Variants in PIK3R5 observed in about 807,000 individuals in gnomAD.
PIK3R5 encodes phosphoinositide 3-kinase regulatory subunit 5.
A neutral mutation model predicts 94.9 loss-of-function variants in PIK3R5; 32 were observed. That is an observed-to-expected ratio of 0.34 (90% CI 0.25 to 0.45). The LOEUF is 0.45. Ranked by LOEUF, PIK3R5 falls within the 20% of genes least tolerant of loss-of-function variation. PIK3R5 has a pLI of 1.00. For synonymous variants in PIK3R5, 443 were observed against 479.4 expected (o/e 0.92, Z 0.99); for missense variants, 853 against 1,144.6 (o/e 0.75, Z 3.68).
intron 5 of PIK3R5, among the ~76,000 whole-genome samples, chr17:8,899,371 A>G (rs113203979): frequency 0.017 from 2,619 of 151,980 alleles, 80 homozygotes; most frequent in African/African-American, 0.059. Context: ...GTCCCTTCTC[A>G]TTTCTCCCTG....
At chr17:8,899,495 G>A (rs1005128076) in intron 5 of PIK3R5, among the ~76,000 whole-genome samples, 1 of 152,204 alleles carries the variant, frequency 6.6e-6, no homozygotes, top group African/African-American at 2.4e-5. Context: ...TGACAGGGAG[G>A]CATTGCTATA....
intron 1 of PIK3R5, among the ~76,000 whole-genome samples, chr17:8,952,332 T>C (rs2091390122): frequency 6.6e-6 from 1 of 152,272 alleles, no homozygotes; most frequent in Non-Finnish European, 1.5e-5. Flanking sequence ...TTTCTGTTAC[T>C]ATGCCATTTA....
chr17:8,886,257 G>C lies in PIK3R5; in HGVS notation c.2100C>G (p.Ser700=), dbSNP rs370589648. ...IFIHSLELGH[S]AATRAIKASG... ...ACGCCTTGATGGCACGTGTGGCAGC[G>C]GAGTGACCCAGCTCCAAGGAGTGGA... Residue 700 remains serine (S), a synonymous_variant, in exon 14 of 19, where the codon TCC becomes TCG. Coordinates refer to ENST00000447110, the MANE Select transcript of PIK3R5 (RefSeq NM_001142633.3). 3 of 1,613,294 alleles carry C rather than the reference G, an allele frequency of 1.9e-6. No individual in the cohort carries two copies. Among genetic ancestry groups the C allele is most frequent in the South Asian group, 1.1e-5 (1 of 91,090 alleles).
rs61761066 is a variant in PIK3R5, at chr17:8,887,204, T to C, written c.1797A>G (p.Pro599=). The C allele has an allele frequency of 1.4e-4, 233 of 1,613,692 alleles. No homozygotes were observed. In the African/African-American group the frequency reaches 2.7e-3, roughly 19 times the overall value. The change falls in exon 12 of 19, where the codon CCA becomes CCG. Residue 599 remains proline (P), a synonymous_variant. Transcript: ENST00000447110. ...HASPGELGTT[P]WEESTNDISH... ...AGATGTCATTGGTGCTCTCCTCCCA[T>C]GGGGTGGTGCCCAGCTCCTAGGGCA...
At chr17:8,951,380 C>G (rs553319014) in intron 1 of PIK3R5, among the ~76,000 whole-genome samples, 1 of 152,292 alleles carries the variant, frequency 6.6e-6, no homozygotes, top group East Asian at 1.9e-4. Context: ...AACTGAAACT[C>G]CATACCCAAT....
intron 14 of PIK3R5, 21 bp downstream of exon 14, chr17:8,886,206 GTC>G (rs1567633666): frequency 1.3e-6 from 2 of 1,583,494 alleles, no homozygotes; most frequent in East Asian, 4.5e-5. Flanking sequence ...CTCACCGTCT[GTC>G]TCTGCTCAGG....
At chr17:8,930,335 A>T (rs1450576818) in intron 1 of PIK3R5, among the ~76,000 whole-genome samples, 3 of 152,214 alleles carry the variant, frequency 2.0e-5, no homozygotes, top group Admixed American at 2.0e-4. Context: ...ACAAACTTCT[A>T]AATAATTCAT....
chr17:8,916,477 C>T (rs993415776), intron 1 of PIK3R5: 4 of 135,194 alleles, frequency 3.0e-5, no homozygotes, highest in African/African-American at 5.5e-5. Flanking sequence ...GGGAATGCCG[C>T]CCCCCGCCCC....
At position 8,945,982 on chromosome 17, in the gene PIK3R5, G is replaced by T. The variant is rs1390940246; in HGVS notation, c.-14+19614C>A. On this transcript the variant is annotated intron_variant, in intron 1 of 18. Transcript: ENST00000447110. This position sits in a 1 kb window ranked among gnomAD's most constrained non-coding sequence, Gnocchi z 4.0. ...AACCACATGGAGAGGCCCCTTGTAG[G>T]CATTCTCATTTACAGTTTCAGTTAC... Among the ~76,000 whole-genome samples, 1 of 152,110 alleles carries T rather than the reference G, an allele frequency of 6.6e-6. No homozygotes were observed. Among genetic ancestry groups the T allele is most frequent in the African/African-American group, 2.4e-5 (1 of 41,398 alleles).
In PIK3R5 at chr17:8,965,001, C is replaced by CACACACACA. The variant is rs1567679194; in HGVS notation, c.-14+594_-14+595insTGTGTGTGT. On this transcript the variant is annotated intron_variant, in intron 1 of 18. Transcript: ENST00000447110. ...GGCCAGCACGCGCACATGCGCATGCCCACACACACACACACACACACACAC... is the reference window on the plus strand; with the variant it reads ...GGCCAGCACGCGCACATGCGCATGCCACACACACACACACACACACACACACACACACAC... Among the ~76,000 whole-genome samples, 643 of 150,794 alleles carry CACACACACA rather than the reference C, an allele frequency of 4.3e-3. 3 individuals carry two copies. The highest frequency in any genetic ancestry group is 6.8e-3 in the Non-Finnish European group (457 of 67,628).
chr17:8,914,307 T>G (rs1407319243), intron 1 of PIK3R5, among the ~76,000 whole-genome samples: 1 of 152,192 alleles, frequency 6.6e-6, no homozygotes, highest in Non-Finnish European at 1.5e-5. Context: ...GAGTTGACAC[T>G]GGTATAAACA....
chr17:8,943,501 G>A (rs760463684), intron 1 of PIK3R5, among the ~76,000 whole-genome samples: 7 of 152,110 alleles, frequency 4.6e-5, no homozygotes, highest in East Asian at 1.9e-4. Context: ...GGCTGGGCGC[G>A]GTGGCTCATG....
intron 5 of PIK3R5, among the ~76,000 whole-genome samples, chr17:8,898,421 GCAGC>G (rs1279269410): frequency 6.6e-6 from 1 of 152,248 alleles, no homozygotes; most frequent in African/African-American, 2.4e-5. Flanking sequence ...CCAGGGTCAT[GCAGC>G]CATCTGTCAG....
At chr17:8,944,609 G>A (rs531498928) in intron 1 of PIK3R5, among the ~76,000 whole-genome samples, 2 of 152,338 alleles carry the variant, frequency 1.3e-5, no homozygotes, top group South Asian at 4.1e-4. Context: ...GGAATGAAGA[G>A]TGGGAACATA....
At position 8,909,278 on chromosome 17, in the gene PIK3R5, G is replaced by T; in HGVS notation, c.104-104C>A. ...ATTTATGCTGGAACATTTTTCTGTG[G>T]TATTGCACTGGAACACTCTTTTTTT... On this transcript the variant is annotated intron_variant, in intron 2 of 18. Transcript: ENST00000447110. This position sits in a 1 kb window ranked among gnomAD's most constrained non-coding sequence, Gnocchi z 4.3. The T allele has an allele frequency of 1.5e-6, 1 of 683,608 alleles. No individual in the cohort carries two copies. Among genetic ancestry groups the T allele is most frequent in the Admixed American group, 2.4e-5 (1 of 42,450 alleles). The allele number at this position is 683,608 out of a possible 1,614,324, so 42.3% of individuals were successfully genotyped here.
Position 8,884,596 on chromosome 17 carries a change from C to T in PIK3R5, c.2205+111G>A, listed in dbSNP as rs899715576. 1.0e-5 allele frequency: 8 copies of T among 798,330 alleles called. No individual in the cohort carries two copies. The highest frequency in any genetic ancestry group is 2.6e-5 in the East Asian group (1 of 37,746). 49.5% of individuals were successfully genotyped at this position (798,330 alleles called of 1,614,324 possible). ...AGGGGAGCCTGCTGCAGCCTTCCAG[C>T]GTAAAGACTGGGGCCCAGGAACACA... is the stretch of plus-strand genomic sequence containing the variant. On this transcript the variant is annotated intron_variant, in intron 15 of 18. Transcript: ENST00000447110. The surrounding 1 kb of genome is among the most constrained non-coding windows in gnomAD (Gnocchi z 5.8).
rs1242188688 is a variant in PIK3R5, at chr17:8,884,757, C to T, written c.2155G>A (p.Asp719Asn). The T allele has an allele frequency of 3.7e-6, 6 of 1,612,954 alleles. No individual in the cohort carries two copies. Among genetic ancestry groups the T allele is most frequent in the Admixed American group, 3.3e-5 (2 of 59,954 alleles). The change falls in exon 15 of 19, where the codon GAT (aspartate) becomes AAT (asparagine). Residue 719 changes from aspartate to asparagine, a missense_variant. Coordinates refer to ENST00000447110, the MANE Select transcript of PIK3R5 (RefSeq NM_001142633.3). This position sits in a 1 kb window ranked among gnomAD's most constrained non-coding sequence, Gnocchi z 5.8. ...SGPGSKRLGIDGDREAVPLTL... is the reference protein window; with the variant it reads ...SGPGSKRLGINGDREAVPLTL... The stretch of plus-strand genomic sequence containing the variant: ...AGAGGAACAGCCTCCCGGTCGCCAT[C>T]GATGCCCAGCCGCTTGCTGCCAGGA...
intron 1 of PIK3R5, among the ~76,000 whole-genome samples, chr17:8,964,893 A>C (rs757988946): frequency 3.3e-5 from 5 of 152,094 alleles, no homozygotes; most frequent in Non-Finnish European, 7.4e-5. Context: ...CTGCTGCTTT[A>C]ACCTCGCCTT....
chr17:8,899,066 C>T (rs901029097), intron 5 of PIK3R5, among the ~76,000 whole-genome samples: 10 of 152,172 alleles, frequency 6.6e-5, no homozygotes, highest in Non-Finnish European at 1.2e-4. Context: ...GTATTGTGGT[C>T]GGCACAGCTA....
Sources: allele counts gnomAD v4.1 joint callset (sites outside exome capture counted in the v4.1 genomes callset), GRCh38; gene constraint gnomAD v4.1.1; non-coding constraint Gnocchi (gnomAD v3.1); transcripts MANE v1.5; gene names NCBI Gene and HGNC (gene_info 2026-07-23, HGNC 2026-07-21).